KCNIP1: variants seen among roughly 807,000 people sequenced by gnomAD.
KCNIP1 encodes the protein A-type potassium channel modulatory protein KCNIP1.
Under a neutral mutation model 33.0 loss-of-function variants are expected in KCNIP1, and 18 were observed. That is an observed-to-expected ratio of 0.55 (90% CI 0.38 to 0.81). The LOEUF (loss-of-function observed/expected upper bound fraction) is 0.81. Ranked by LOEUF, KCNIP1 falls within the 30% of genes least tolerant of loss-of-function variation. The probability of loss-of-function intolerance (pLI) is 0.00; values close to 1 mark genes in which losing one functional copy is unlikely to be tolerated. For missense variants in KCNIP1, 238 were observed against 271.6 expected (o/e 0.88, Z 0.87); for synonymous variants, 93 against 98.3 (o/e 0.95, Z 0.32).
chr5:170,379,357 A>C (rs1764145540), intron 1 of KCNIP1, among the ~76,000 whole-genome samples: 1 of 152,202 alleles, frequency 6.6e-6, no homozygotes, highest in Non-Finnish European at 1.5e-5. Context: ...AGGACTTCAC[A>C]CAGAGCTATC....
intron 1 of KCNIP1, among the ~76,000 whole-genome samples, chr5:170,550,841 T>A (rs993650663): frequency 6.6e-6 from 1 of 152,258 alleles, no homozygotes; most frequent in South Asian, 2.1e-4. Context: ...GAGTTTAATC[T>A]GCAACTCCTT....
At chr5:170,400,150 C>A (rs1312621477) in intron 1 of KCNIP1, among the ~76,000 whole-genome samples, 1 of 152,162 alleles carries the variant, frequency 6.6e-6, no homozygotes, top group Non-Finnish European at 1.5e-5. Context: ...TGCTTCCTGA[C>A]TCCTATGCCA....
rs372508066 is a variant in KCNIP1 at position 170,357,808 on chromosome 5, T to G, written c.88+3844T>G. Among the ~76,000 whole-genome samples the G allele has an allele frequency of 5.9e-5, 9 of 152,340 alleles. No individual in the cohort carries two copies. The East Asian group carries it at 9.7e-4, about 16-fold the overall frequency. On this transcript the variant is annotated intron_variant, in intron 1 of 7. Coordinates refer to the KCNIP1 transcript ENST00000377360. Reference sequence around the variant, plus strand: ...TCCCAAAGTGCTGGGATTACAGGCATGAGCCACCACGTCCAGCCACTGGAT... The same window carrying G: ...TCCCAAAGTGCTGGGATTACAGGCAGGAGCCACCACGTCCAGCCACTGGAT...
intron 1 of KCNIP1, among the ~76,000 whole-genome samples, chr5:170,369,605 T>C (rs902102192): frequency 1.3e-5 from 2 of 152,240 alleles, no homozygotes; most frequent in African/African-American, 4.8e-5. Flanking sequence ...TTAAATGCAC[T>C]GAACCCCAAA....
chr5:170,726,745 C>CAAAAAAAAAA (rs57173351), intron 5 of KCNIP1, among the ~76,000 whole-genome samples: 23 of 56,684 alleles, frequency 4.1e-4, no homozygotes, highest in South Asian at 2.0e-3. Flanking sequence ...ACTAAAAATA[C>CAAAAAAAAAA]AAAAAAAAAA....
At chr5:170,413,338 G>A (rs1344695147) in intron 1 of KCNIP1, among the ~76,000 whole-genome samples, 4 of 152,190 alleles carry the variant, frequency 2.6e-5, no homozygotes, top group Admixed American at 1.3e-4. Context: ...CTTGGCACTC[G>A]GTGGGCTCAT....
chr5:170,386,907 G>A (rs543993026), intron 1 of KCNIP1, among the ~76,000 whole-genome samples: 75 of 152,078 alleles, frequency 4.9e-4, no homozygotes, highest in African/African-American at 1.7e-3. Context: ...CCCAATGCAA[G>A]CAAAGATTCC....
chr5:170,457,323 C>A (rs977549656), intron 1 of KCNIP1, among the ~76,000 whole-genome samples: 1 of 152,176 alleles, frequency 6.6e-6, no homozygotes, highest in Non-Finnish European at 1.5e-5. Flanking sequence ...GGGCCACCAC[C>A]ACCACCACCA....
At chr5:170,374,904 A>T (rs1044129135) in intron 1 of KCNIP1, 7 of 152,180 alleles carry the variant, frequency 4.6e-5, no homozygotes, top group South Asian at 2.1e-4. Context: ...GAAGGTCATC[A>T]TTAATAATTT....
chr5:170,495,751 G>A (rs1426983097), intron 1 of KCNIP1, among the ~76,000 whole-genome samples: 1 of 152,214 alleles, frequency 6.6e-6, no homozygotes, highest in African/African-American at 2.4e-5. Flanking sequence ...GCTCAAATGT[G>A]CGGCAGGTTG....
intron 1 of KCNIP1, among the ~76,000 whole-genome samples, chr5:170,556,786 A>G (rs1299475577): frequency 2.6e-5 from 4 of 152,330 alleles, no homozygotes; most frequent in Admixed American, 2.6e-4. Context: ...AGACAGGAGC[A>G]CTTGGGAGGC....
rs532661464 is a variant in KCNIP1 at position 170,692,212 on chromosome 5, G to A, written c.62-26546G>A. 6.6e-5 allele frequency among the ~76,000 whole-genome samples: 10 copies of A among 152,258 alleles called. No individual in the cohort carries two copies. In the South Asian group the frequency reaches 2.1e-3, roughly 32 times the overall value. ...CCAGGTTGTCATCAAGCAGCAGCAG[G>A]CATGGCATTTTATCCTAAGGTACCA... On this transcript the variant is annotated intron_variant, in intron 1 of 7. Coordinates refer to ENST00000328939, the MANE Select transcript of KCNIP1 (RefSeq NM_014592.4).
chr5:170,729,808 G>A (rs964317509), intron 5 of KCNIP1, among the ~76,000 whole-genome samples: 1 of 152,010 alleles, frequency 6.6e-6, no homozygotes, highest in Admixed American at 6.5e-5. Flanking sequence ...AGGTATTTGA[G>A]GAATATGTAT....
intron 1 of KCNIP1, among the ~76,000 whole-genome samples, chr5:170,589,297 C>T (rs1758119186): frequency 6.6e-6 from 1 of 152,156 alleles, no homozygotes; most frequent in Non-Finnish European, 1.5e-5. Flanking sequence ...CCGCACCCAG[C>T]CAGCGAGCTC....
At chr5:170,521,719 A>G (rs1366148950) in intron 1 of KCNIP1, among the ~76,000 whole-genome samples, 1 of 152,090 alleles carries the variant, frequency 6.6e-6, no homozygotes, top group Non-Finnish European at 1.5e-5. Flanking sequence ...AAGATTTAAC[A>G]CTCCTTTGGC....
Position 170,475,685 on chromosome 5 carries a change from G to C in KCNIP1, c.88+121721G>C, listed in dbSNP as rs150776233. ...CTGCAGCAGGGCCTCTTTGTGGGGGGTTCTTATTTGAGAGCCACAAAGGAC... is the reference window on the plus strand; with the variant it reads ...CTGCAGCAGGGCCTCTTTGTGGGGGCTTCTTATTTGAGAGCCACAAAGGAC... On this transcript the variant is annotated intron_variant, in intron 1 of 7. Coordinates refer to the KCNIP1 transcript ENST00000377360. 1.8e-3 allele frequency among the ~76,000 whole-genome samples: 271 copies of C among 152,244 alleles called. 1 individual carries two copies. Among genetic ancestry groups the C allele is most frequent in the African/African-American group, 5.9e-3 (244 of 41,546 alleles).
At chr5:170,376,834 T>C (rs1764023798) in intron 1 of KCNIP1, 1 of 152,136 alleles carries the variant, frequency 6.6e-6, no homozygotes, top group Non-Finnish European at 1.5e-5. Flanking sequence ...AGTGTACCTA[T>C]GTAACAAACC....
intron 1 of KCNIP1, among the ~76,000 whole-genome samples, chr5:170,410,503 C>A (rs1694259504): frequency 6.8e-6 from 1 of 147,802 alleles, no homozygotes; most frequent in East Asian, 2.0e-4. Flanking sequence ...GGAAGGCTGG[C>A]TTTTTTTTTT....
chr5:170,480,310 C>G (rs1004455989), intron 1 of KCNIP1, among the ~76,000 whole-genome samples: 3 of 152,176 alleles, frequency 2.0e-5, no homozygotes, highest in Non-Finnish European at 2.9e-5. Context: ...CCAGCCAGCT[C>G]TGGGGTTACT....
Sources: gnomAD v4.1 joint callset for allele counts (sites outside exome capture counted in the v4.1 genomes callset) on GRCh38, gnomAD v4.1.1 for gene constraint, MANE v1.5 for transcripts, NCBI Gene and HGNC (gene_info 2026-07-23, HGNC 2026-07-21) for gene names.